RYR3: variants seen among roughly 807,000 people sequenced by gnomAD.
RYR3 encodes brain ryanodine receptor-calcium release channel.
RYR3 carries 207 observed loss-of-function variants against 584.3 expected under a neutral mutation model. That is an observed-to-expected ratio of 0.35 (90% CI 0.32 to 0.40). RYR3 has a LOEUF of 0.40. Among genes scored for constraint, RYR3 ranks in the 10% least tolerant of loss-of-function variants. RYR3 has a pLI of 1.00. For missense variants in RYR3, 5,616 were observed against 6,089.2 expected, an observed-to-expected ratio of 0.92 and a Z score of 2.59; for synonymous variants, 2,416 against 2,248.5, an observed-to-expected ratio of 1.07 and a Z score of -2.11.
At chr15:33,483,168 T>C (rs1424471428) in intron 2 of RYR3, among the ~76,000 whole-genome samples, 12 of 152,054 alleles carry the variant, frequency 7.9e-5, no homozygotes, top group Admixed American at 7.9e-4. Flanking sequence ...TTCTCCTCCA[T>C]TATTCTTTCT....
intron 16 of RYR3, among the ~76,000 whole-genome samples, chr15:33,589,714 A>G (rs2059029979): frequency 6.6e-6 from 1 of 152,218 alleles, no homozygotes; most frequent in Non-Finnish European, 1.5e-5. Context: ...TTTGTTGAAA[A>G]GGGTGTCCTT....
chr15:33,771,945 C>T lies in RYR3; in HGVS notation c.8842C>T (p.Leu2948=). 6.2e-7 allele frequency: 1 copy of T among 1,612,560 alleles called. No individual in the cohort carries two copies. Residue 2948 remains leucine, a synonymous_variant, in exon 63 of 104, where the codon CTG becomes TTG. Coordinates refer to ENST00000634891, the MANE Select transcript of RYR3 (RefSeq NM_001036.6). ...TRTVMKSGSE[L]VKAGLRAFFE... ...GACTGTCATGAAGTCAGGCTCAGAG[C>T]TGGTGAAGGCTGGGTTACGAGCATT...
intron 1 of RYR3, among the ~76,000 whole-genome samples, chr15:33,331,935 A>G (rs1314765838): frequency 6.6e-6 from 1 of 152,026 alleles, no homozygotes; most frequent in Non-Finnish European, 1.5e-5. Flanking sequence ...GAATTCTTAG[A>G]TCCTTTTATC....
In RYR3 at chr15:33,450,094, A is replaced by T. The variant is rs1420028329; in HGVS notation, c.52-23325A>T. 2.2e-3 allele frequency among the ~76,000 whole-genome samples: 249 copies of T among 115,684 alleles called. 3 individuals carry two copies. The highest frequency in any genetic ancestry group is 9.3e-3 in the African/African-American group (240 of 25,752). 75.9% of individuals were successfully genotyped at this position (115,684 alleles called of 152,430 possible). A position where few individuals can be genotyped will look rare whatever the true frequency, so the allele number is the denominator to read the frequency against. On this transcript the variant is annotated intron_variant, in intron 1 of 103. Transcript: ENST00000634891. ...GGCTAGAGCATTAATACCTAAAAAA[A>T]AAAAAAAAAAAAAAAAAGCCGGCAA...
chr15:33,757,112 G>C, intron 59 of RYR3, among the ~76,000 whole-genome samples: 1 of 152,176 alleles, frequency 6.6e-6, no homozygotes, highest in East Asian at 1.9e-4. Flanking sequence ...GCCTTGCTCT[G>C]AGAAGCAGAC....
At chr15:33,715,543 G>T (rs990236037) in intron 43 of RYR3, among the ~76,000 whole-genome samples, 1 of 152,166 alleles carries the variant, frequency 6.6e-6, no homozygotes, top group Non-Finnish European at 1.5e-5. Context: ...TTACACCTTT[G>T]TACTAACTGT....
intron 1 of RYR3, among the ~76,000 whole-genome samples, chr15:33,329,784 A>G (rs913947785): frequency 6.6e-6 from 1 of 152,168 alleles, no homozygotes; most frequent in Non-Finnish European, 1.5e-5. Flanking sequence ...ATGCCCAAAT[A>G]AGCAGCCTAC....
chr15:33,381,619 T>C (rs534512501), intron 1 of RYR3, among the ~76,000 whole-genome samples: 40 of 152,304 alleles, frequency 2.6e-4, no homozygotes, highest in African/African-American at 9.6e-4. Flanking sequence ...AATTCAGTCC[T>C]ACCACTCCTT....
chr15:33,856,098 C>G (rs1434747139), intron 98 of RYR3: 1 of 152,196 alleles, frequency 6.6e-6, no homozygotes, highest in African/African-American at 2.4e-5. Flanking sequence ...AACTGAGGCT[C>G]AGAGCAGCTA....
At position 33,837,854 on chromosome 15, in the gene RYR3, G is replaced by T; in HGVS notation, c.11874G>T (p.Glu3958Asp). 1.9e-6 allele frequency: 3 copies of T among 1,614,032 alleles called. No homozygotes were observed. Among genetic ancestry groups the T allele is most frequent in the Non-Finnish European group, 2.5e-6 (3 of 1,179,902 alleles). The change falls in exon 89 of 104, where the codon GAG becomes GAT. Residue 3958 changes from glutamate (E) to aspartate (D), a missense_variant. Physicochemically the swap from Glu to Asp is conservative, Grantham distance 45. This residue lies in a region of RYR3 where 258 missense variants were observed against 297.3 expected (regional missense o/e 0.87). Transcript: ENST00000634891. ...MEGQKQYTQSEIDFLLSCAEA... is the reference protein window; with the variant it reads ...MEGQKQYTQSDIDFLLSCAEA... The stretch of plus-strand genomic sequence containing the variant: ...GGCAAAAACAGTACACGCAGTCAGA[G>T]ATTGACTTTCTCCTGTCGTGTGCAG...
chr15:33,724,095 A>G lies in RYR3; in HGVS notation c.6831A>G (p.Glu2277=), dbSNP rs1192965315. Residue 2277 remains glutamate (E), a synonymous_variant, in exon 45 of 104, where the codon GAA becomes GAG. Transcript: ENST00000634891. ...VSTGDDEEEE[E]IVHMGNAIMS... is the part of the protein sequence containing the mutation. ...CGGGGGACGATGAAGAGGAAGAAGA[A>G]ATCGTGCATATGGGCAATGCAATTA... 3 of 1,612,160 alleles carry G rather than the reference A, an allele frequency of 1.9e-6. No homozygotes were observed. The highest frequency in any genetic ancestry group is 2.5e-6 in the Non-Finnish European group (3 of 1,178,342).
At chr15:33,825,941 C>T in intron 82 of RYR3, 1 of 495,240 alleles carries the variant, frequency 2.0e-6, no homozygotes. Flanking sequence ...ATCATGTTGG[C>T]CAGGCTGGTC....
chr15:33,668,744 A>T (rs1305453921), intron 36 of RYR3, among the ~76,000 whole-genome samples: 2 of 152,166 alleles, frequency 1.3e-5, no homozygotes, highest in Admixed American at 6.5e-5. Flanking sequence ...AAATTCATAT[A>T]AAAAAACATT....
At chr15:33,749,695 G>A (rs12440440) in intron 55 of RYR3, among the ~76,000 whole-genome samples, 42,143 of 152,022 alleles carry the variant, frequency 0.28, 6,936 homozygotes, top group Admixed American at 0.46. Context: ...GCCAGCATGC[G>A]GGTTCAAGTG....
intron 57 of RYR3, among the ~76,000 whole-genome samples, chr15:33,751,311 C>T: frequency 6.6e-6 from 1 of 152,234 alleles, no homozygotes; most frequent in East Asian, 1.9e-4. Context: ...AATTGCCACA[C>T]TGTCTTCCAC....
chr15:33,857,082 A>G (rs1769072910), intron 98 of RYR3, among the ~76,000 whole-genome samples: 1 of 152,140 alleles, frequency 6.6e-6, no homozygotes, highest in Non-Finnish European at 1.5e-5. Flanking sequence ...GCACTATTCA[A>G]TACTTAAGTT....
At chr15:33,820,251 A>G (rs1294044226) in intron 77 of RYR3, among the ~76,000 whole-genome samples, 1 of 152,218 alleles carries the variant, frequency 6.6e-6, no homozygotes, top group Non-Finnish European at 1.5e-5. Flanking sequence ...TGCTGAGCAA[A>G]TAAGGGAAAC....
intron 1 of RYR3, among the ~76,000 whole-genome samples, chr15:33,446,537 TC>T (rs531212587): frequency 6.6e-6 from 1 of 152,334 alleles, no homozygotes; most frequent in East Asian, 1.9e-4. Flanking sequence ...GACTGTCTTC[TC>T]CCTGTGTCTT....
chr15:33,650,215 A>G (rs2062385252), intron 31 of RYR3, among the ~76,000 whole-genome samples: 1 of 152,124 alleles, frequency 6.6e-6, no homozygotes, highest in Non-Finnish European at 1.5e-5. Flanking sequence ...CGTCTCTACT[A>G]AAAATACAAA....
Sources: gnomAD v4.1 joint callset for allele counts (sites outside exome capture counted in the v4.1 genomes callset) on GRCh38, gnomAD v4.1.1 for gene constraint, gnomAD v4.1.1 regional missense constraint, MANE v1.5 for transcripts, NCBI Gene and HGNC (gene_info 2026-07-23, HGNC 2026-07-21) for gene names.